The following NUDCD3 variants were observed in gnomAD, a reference collection of about 807,000 sequenced individuals.
The protein encoded by NUDCD3 is nudC domain-containing protein 3.
Under a neutral mutation model 39.7 loss-of-function variants are expected in NUDCD3, and 13 were observed. The ratio of observed to expected loss-of-function variants is 0.33; its 90% CI spans 0.21 to 0.52. NUDCD3 has a LOEUF of 0.52. Ranked by LOEUF, NUDCD3 falls within the 20% of genes least tolerant of loss-of-function variation. NUDCD3 has a pLI of 0.96. For synonymous variants in NUDCD3, 175 were observed against 172.4 expected (o/e 1.02, Z -0.12); for missense variants, 453 against 458.1 (o/e 0.99, Z 0.10).
In NUDCD3 at chr7:44,427,714, A is replaced by G. The variant is rs1313466384; in HGVS notation, c.510-11T>C. The G allele has an allele frequency of 1.9e-6, 3 of 1,613,518 alleles. No individual in the cohort carries two copies. The highest frequency in any genetic ancestry group is 2.5e-6 in the Non-Finnish European group (3 of 1,179,832). On this transcript the variant is annotated splice_polypyrimidine_tract_variant and intron_variant, in intron 2 of 5. Transcript: ENST00000355451. Reference sequence around the variant, plus strand: ...AACTGCTCCTGAATCCTGAGAAAGAATAAAAAATGTGATCCCAGTCAGCCA... The same window carrying G: ...AACTGCTCCTGAATCCTGAGAAAGAGTAAAAAATGTGATCCCAGTCAGCCA...
intron 3 of NUDCD3, among the ~76,000 whole-genome samples, chr7:44,405,254 C>T (rs987492197): frequency 3.9e-5 from 6 of 152,256 alleles, no homozygotes; most frequent in Non-Finnish European, 8.8e-5. Context: ...AGCTCACCCT[C>T]CTCCCTCTGA....
rs1309335811 is a variant in NUDCD3, at chr7:44,379,301, AC to A, written c.*6709del. The A allele has an allele frequency of 2.1e-5, 3 of 142,518 alleles. No homozygotes were observed. The highest frequency in any genetic ancestry group is 5.3e-5 in the African/African-American group (2 of 38,080). The allele number at this position is 142,518 out of a possible 1,614,324, so 8.8% of individuals were successfully genotyped here. ...AAACTCTGTCTCAAAAAAAAAAAAA[AC>A]TTTTAAAATGACCATATCATGGAAA... On this transcript the variant is annotated 3_prime_UTR_variant, in exon 6 of 6. Transcript: ENST00000355451.
chr7:44,468,346 C>T, intron 2 of NUDCD3: 4 of 415,124 alleles, frequency 9.6e-6, no homozygotes, highest in South Asian at 6.2e-5. Context: ...AATGTAAAAA[C>T]TGCAAAAAAA....
At chr7:44,420,495 G>C (rs1055991634) in intron 3 of NUDCD3, among the ~76,000 whole-genome samples, 1 of 152,074 alleles carries the variant, frequency 6.6e-6, no homozygotes, top group African/African-American at 2.4e-5. Flanking sequence ...AGGAAATATA[G>C]AGAACACCAC....
At chr7:44,438,396 A>T (rs1251953096) in intron 2 of NUDCD3, among the ~76,000 whole-genome samples, 1 of 152,188 alleles carries the variant, frequency 6.6e-6, no homozygotes, top group African/African-American at 2.4e-5. Context: ...AAAGATGCAT[A>T]CCAATGACAC....
At chr7:44,420,162 G>A (rs751307562) in intron 3 of NUDCD3, among the ~76,000 whole-genome samples, 6 of 152,044 alleles carry the variant, frequency 3.9e-5, no homozygotes, top group Non-Finnish European at 8.8e-5. Flanking sequence ...CAAATGACCT[G>A]ATGGAGCTGA....
chr7:44,412,388 T>C (rs1256345370), intron 3 of NUDCD3, among the ~76,000 whole-genome samples: 1 of 152,216 alleles, frequency 6.6e-6, no homozygotes, highest in Non-Finnish European at 1.5e-5. Context: ...AAAAATCAAG[T>C]GTCCATTTTC....
chr7:44,395,198 T>G (rs1798600774), intron 4 of NUDCD3, among the ~76,000 whole-genome samples: 1 of 152,214 alleles, frequency 6.6e-6, no homozygotes. Flanking sequence ...TTAATTAAAA[T>G]AAAATAATTC....
intron 2 of NUDCD3, among the ~76,000 whole-genome samples, chr7:44,461,301 A>G (rs1800007761): frequency 6.6e-6 from 1 of 152,208 alleles, no homozygotes; most frequent in East Asian, 1.9e-4. Context: ...AGCTCCCCCT[A>G]AACTGTGAGC....
At chr7:44,392,866 G>A (rs905802621) in intron 4 of NUDCD3, among the ~76,000 whole-genome samples, 1 of 152,112 alleles carries the variant, frequency 6.6e-6, no homozygotes. Flanking sequence ...CCCCACACCA[G>A]GACCTGTCCT....
intron 2 of NUDCD3, among the ~76,000 whole-genome samples, chr7:44,457,658 G>A (rs985284750): frequency 1.3e-5 from 2 of 152,196 alleles, no homozygotes; most frequent in Admixed American, 6.5e-5. Flanking sequence ...TACAGGACTT[G>A]TATGTAGACT....
At chr7:44,414,799 G>A (rs971173781) in intron 3 of NUDCD3, among the ~76,000 whole-genome samples, 1 of 152,282 alleles carries the variant, frequency 6.6e-6, no homozygotes, top group South Asian at 2.1e-4. Flanking sequence ...CTAAGAACAC[G>A]TTATGGAGCT....
intron 1 of NUDCD3, among the ~76,000 whole-genome samples, chr7:44,489,645 T>C (rs1280775029): frequency 6.6e-6 from 1 of 152,100 alleles, no homozygotes; most frequent in African/African-American, 2.4e-5. Flanking sequence ...TCATTTCTAT[T>C]TCCTTTCTTT....
chr7:44,484,959 A>T lies in NUDCD3; in HGVS notation c.509+9T>A. On this transcript the variant is annotated intron_variant, in intron 2 of 5. Transcript: ENST00000355451. ...AGAAAGAAGGAAGCTGCAAAGTAGA[A>T]ATTCCCACCTGGGAAGAATTGGTGG... is the stretch of plus-strand genomic sequence containing the variant. The T allele has an allele frequency of 6.3e-7, 1 of 1,579,080 alleles. No individual in the cohort carries two copies. The highest frequency in any genetic ancestry group is 8.6e-7 in the Non-Finnish European group (1 of 1,163,212).
chr7:44,461,935 T>G (rs1253203486), intron 2 of NUDCD3, among the ~76,000 whole-genome samples: 1 of 152,222 alleles, frequency 6.6e-6, no homozygotes, highest in East Asian at 1.9e-4. Flanking sequence ...ATGGACACAG[T>G]TGGGATGGGA....
rs758548123 is a variant in NUDCD3 at position 44,404,531 on chromosome 7, T to G, written c.695A>C (p.Asn232Thr). ...CCCTTCCATGAGGACGCGCTCCCCATTTTCCTCCAGCATGGCCACACGAAT... is the reference window on the plus strand; with the variant it reads ...CCCTTCCATGAGGACGCGCTCCCCAGTTTCCTCCAGCATGGCCACACGAAT... Reference protein sequence around the residue: ...SSIRVAMLEENGERVLMEGKL... With the variant: ...SSIRVAMLEETGERVLMEGKL... The change falls in exon 4 of 6, where the codon AAT (asparagine) becomes ACT (threonine). Residue 232 changes from asparagine (N) to threonine (T), a missense_variant. Coordinates refer to ENST00000355451, the MANE Select transcript of NUDCD3 (RefSeq NM_015332.4). 2 of 1,613,804 alleles carry G rather than the reference T, an allele frequency of 1.2e-6. No individual in the cohort carries two copies. The highest frequency in any genetic ancestry group is 1.7e-6 in the Non-Finnish European group (2 of 1,179,892).
chr7:44,468,320 G>C lies in NUDCD3; in HGVS notation c.509+16648C>G, dbSNP rs766177687. ...AAATGAGTAGACAGCTCGTGTGCAC[G>C]TTTTCTGTTTAAATAAATGTAAAAA... On this transcript the variant is annotated intron_variant, in intron 2 of 5. Coordinates refer to ENST00000355451, the MANE Select transcript of NUDCD3 (RefSeq NM_015332.4). 1.4e-5 allele frequency: 10 copies of C among 701,558 alleles called. No individual in the cohort carries two copies. In the African/African-American group the frequency reaches 2.1e-4, roughly 14 times the overall value. The allele number at this position is 701,558 out of a possible 1,614,324, so 43.5% of individuals were successfully genotyped here.
At chr7:44,474,385 C>T (rs1449886663) in intron 2 of NUDCD3, among the ~76,000 whole-genome samples, 1 of 152,170 alleles carries the variant, frequency 6.6e-6, no homozygotes, top group Non-Finnish European at 1.5e-5. Context: ...CTTCAATTCC[C>T]AATAACTCTC....
chr7:44,435,692 G>T (rs1799451468), intron 2 of NUDCD3, among the ~76,000 whole-genome samples: 1 of 152,208 alleles, frequency 6.6e-6, no homozygotes, highest in South Asian at 2.1e-4. Flanking sequence ...AAGGCAATGA[G>T]TCTGGCAACT....
Sources: gnomAD v4.1 joint callset for allele counts (sites outside exome capture counted in the v4.1 genomes callset) on GRCh38, gnomAD v4.1.1 for gene constraint, MANE v1.5 for transcripts, NCBI Gene and HGNC (gene_info 2026-07-23, HGNC 2026-07-21) for gene names.